Variants in EGF observed in about 807,000 individuals in gnomAD.
The protein encoded by EGF is epidermal growth factor.
A neutral mutation model predicts 143.8 loss-of-function variants in EGF; 95 were observed. That is an observed-to-expected ratio of 0.66 (90% CI 0.56 to 0.78). EGF has a LOEUF of 0.78. EGF is among the 30% of genes least tolerant of loss of function. The pLI, the probability that EGF is intolerant of heterozygous loss-of-function variation, is 0.00. For synonymous variants in EGF, 510 were observed against 510.5 expected, an observed-to-expected ratio of 1.00 and a Z score of 0.01; for missense variants, 1,320 against 1,470.9, an observed-to-expected ratio of 0.90 and a Z score of 1.68.
At chr4:109,962,774 A>G (rs1034018140) in intron 8 of EGF, among the ~76,000 whole-genome samples, 2 of 152,194 alleles carry the variant, frequency 1.3e-5, no homozygotes, top group Admixed American at 1.3e-4. Flanking sequence ...GTTTTAAAAA[A>G]TCAACATATG....
intron 23 of EGF, among the ~76,000 whole-genome samples, chr4:110,008,868 T>G (rs1385080381): frequency 1.3e-5 from 2 of 152,196 alleles, no homozygotes; most frequent in Non-Finnish European, 2.9e-5. Flanking sequence ...GTTTTGGGTC[T>G]CAGGTTGAGT....
At position 109,927,910 on chromosome 4, in the gene EGF, T is replaced by TTA. The variant is rs531361979; in HGVS notation, c.128-13036_128-13035insTA. On this transcript the variant is annotated intron_variant, in intron 1 of 23. Transcript: ENST00000265171. ...TGGTAAATTCATTTTAGTCTAGTAA[T>TTA]GGTAGACTTTAAATAAAATTGAGCA... 1.2e-4 allele frequency among the ~76,000 whole-genome samples: 18 copies of TTA among 151,762 alleles called. No individual in the cohort carries two copies. The East Asian group carries it at 3.5e-3, about 29-fold the overall frequency.
At chr4:109,989,409 T>A (rs1478079882) in intron 18 of EGF, among the ~76,000 whole-genome samples, 1 of 152,216 alleles carries the variant, frequency 6.6e-6, no homozygotes, top group African/African-American at 2.4e-5. Flanking sequence ...TCTGAAGTTT[T>A]ACAGCGCTTT....
At chr4:109,960,517 C>T (rs1745512035) in intron 6 of EGF, among the ~76,000 whole-genome samples, 1 of 152,096 alleles carries the variant, frequency 6.6e-6, no homozygotes, top group African/African-American at 2.4e-5. Context: ...TTGTGGTGTG[C>T]ACCTGTAGTC....
At chr4:110,000,085 C>T (rs1449702217) in intron 21 of EGF, among the ~76,000 whole-genome samples, 1 of 152,066 alleles carries the variant, frequency 6.6e-6, no homozygotes, top group South Asian at 2.1e-4. Context: ...AACCCCGTCT[C>T]CACTAAAAAG....
chr4:110,001,837 T>A (rs888678830), intron 21 of EGF: 2 of 985,334 alleles, frequency 2.0e-6, no homozygotes, highest in African/African-American at 3.5e-5. Context: ...CCCTTTCTTT[T>A]TCTCTTCACT....
chr4:109,927,762 C>CA (rs1299955737), intron 1 of EGF, among the ~76,000 whole-genome samples: 39 of 146,514 alleles, frequency 2.7e-4, no homozygotes, highest in African/African-American at 9.4e-4. Context: ...AAAGTAGATG[C>CA]AAAACTCAGT....
intron 12 of EGF, among the ~76,000 whole-genome samples, chr4:109,975,393 A>G (rs1748331224): frequency 6.6e-6 from 1 of 152,240 alleles, no homozygotes; most frequent in Non-Finnish European, 1.5e-5. Flanking sequence ...TATTGATAGT[A>G]GTTGATAATT....
chr4:110,007,797 T>C (rs1345461853), intron 22 of EGF, among the ~76,000 whole-genome samples: 1 of 152,194 alleles, frequency 6.6e-6, no homozygotes, highest in Non-Finnish European at 1.5e-5. Context: ...ATATATTAGA[T>C]ATTATTTGCC....
At chr4:109,913,585 A>C in intron 1 of EGF, 123 bp downstream of exon 1, 1 of 1,443,796 alleles carries the variant, frequency 6.9e-7, no homozygotes, top group Non-Finnish European at 9.4e-7. Context: ...TAGTTGCTTA[A>C]TTTTTGTTTT....
Position 110,004,398 on chromosome 4 carries a change from T to C in EGF, c.3174-107T>C, listed in dbSNP as rs547980508. Reference sequence around the variant, plus strand: ...TCATATTTCTTCTCTCCCACACAAGTACTTAAATTTTAGTAGCAAAAGCAG... The same window carrying C: ...TCATATTTCTTCTCTCCCACACAAGCACTTAAATTTTAGTAGCAAAAGCAG... On this transcript the variant is annotated intron_variant, in intron 21 of 23. Coordinates refer to ENST00000265171, the MANE Select transcript of EGF (RefSeq NM_001963.6). The C allele has an allele frequency of 1.9e-5, 17 of 901,702 alleles. No homozygotes were observed. The East Asian group carries it at 1.9e-4, about 10-fold the overall frequency. 55.9% of individuals were successfully genotyped at this position (901,702 alleles called of 1,614,324 possible). A position where few individuals can be genotyped will look rare whatever the true frequency, so the allele number is the denominator to read the frequency against.
At chr4:109,983,335 A>G in intron 15 of EGF, 87 bp from the exon 16 acceptor site, 7 of 1,471,098 alleles carry the variant, frequency 4.8e-6, no homozygotes, top group Non-Finnish European at 6.5e-6. Flanking sequence ...ACTCACAACC[A>G]ATGAATAGTC....
chr4:109,954,083 G>A (rs538115812), intron 5 of EGF, among the ~76,000 whole-genome samples: 31 of 152,210 alleles, frequency 2.0e-4, no homozygotes, highest in African/African-American at 6.5e-4. Flanking sequence ...ACGGAGTCTC[G>A]CTCTGTCACC....
intron 2 of EGF, among the ~76,000 whole-genome samples, chr4:109,941,997 T>C (rs1357633429): frequency 6.6e-6 from 1 of 152,228 alleles, no homozygotes; most frequent in African/African-American, 2.4e-5. Flanking sequence ...TTTTGTTTTT[T>C]AGCCAAATAT....
rs192673442 is a variant in EGF at position 110,003,585 on chromosome 4, A to T, written c.3174-920A>T. Among the ~76,000 whole-genome samples, 466 of 152,206 alleles carry T rather than the reference A, an allele frequency of 3.1e-3. 3 individuals are homozygous for T. Among genetic ancestry groups the T allele is most frequent in the African/African-American group, 0.011 (438 of 41,530 alleles). ...ACAGAGGGTTGCATTCCTAGAGGCA[A>T]TTAAGCTGCCTATCTGCCCCAGGAC... On this transcript the variant is annotated intron_variant, in intron 21 of 23. Transcript: ENST00000265171.
intron 5 of EGF, among the ~76,000 whole-genome samples, chr4:109,949,011 A>C (rs1469184960): frequency 6.6e-6 from 1 of 152,226 alleles, no homozygotes; most frequent in Non-Finnish European, 1.5e-5. Flanking sequence ...AGTATCAATA[A>C]ACTTACTTCT....
chr4:109,987,487 G>A (rs1278899759), intron 16 of EGF, among the ~76,000 whole-genome samples: 4 of 152,056 alleles, frequency 2.6e-5, no homozygotes, highest in African/African-American at 4.8e-5. Flanking sequence ...GGCTGGTCTC[G>A]AACTCCTGGG....
intron 22 of EGF, among the ~76,000 whole-genome samples, chr4:110,007,477 AATCT>A (rs1753459931): frequency 1.3e-5 from 2 of 152,206 alleles, no homozygotes; most frequent in Admixed American, 1.3e-4. Flanking sequence ...TTTAATATCT[AATCT>A]ATCTAGAGTG....
At chr4:109,992,526 A>G (rs1410498160) in intron 18 of EGF, 1 of 152,248 alleles carries the variant, frequency 6.6e-6, no homozygotes, top group African/African-American at 2.4e-5. Flanking sequence ...ACCCCTGTGG[A>G]AGATAGTGTG....
Sources: gnomAD v4.1 joint callset for allele counts (sites outside exome capture counted in the v4.1 genomes callset) on GRCh38, gnomAD v4.1.1 for gene constraint, MANE v1.5 for transcripts, NCBI Gene and HGNC (gene_info 2026-07-23, HGNC 2026-07-21) for gene names.